The following IL1RAPL1 variants were observed in gnomAD, a reference collection of about 807,000 sequenced individuals.
IL1RAPL1 encodes the protein interleukin 1 receptor accessory protein like 1.
A neutral mutation model predicts 48.4 loss-of-function variants in IL1RAPL1; 3 were observed. The observed-to-expected ratio is 0.06, with a 90% CI of 0.03 to 0.16. The LOEUF (loss-of-function observed/expected upper bound fraction) is 0.16, where lower values mean the gene tolerates loss of function less well. IL1RAPL1 is among the 10% of genes least tolerant of loss of function. The pLI is 1.00. For synonymous variants in IL1RAPL1, 185 were observed against 187.7 expected, an observed-to-expected ratio of 0.99 and a Z score of 0.12; for missense variants, 349 against 530.6, an observed-to-expected ratio of 0.66 and a Z score of 3.36.
At chrX:29,407,387 G>A in intron 5 of IL1RAPL1, among the ~76,000 whole-genome samples, 1 of 112,216 alleles carries the variant, frequency 8.9e-6, no homozygotes, top group Non-Finnish European at 1.9e-5. Flanking sequence ...GGACCCACAT[G>A]TTGTGTATTC....
rs1751889769 is a variant in IL1RAPL1 at position 29,545,841 on chromosome X, A to G, written c.704-122589A>G. Among the ~76,000 whole-genome samples the G allele has an allele frequency of 5.4e-5, 6 of 112,073 alleles. No homozygotes were observed. In the South Asian group the frequency reaches 2.2e-3, roughly 42 times the overall value. The stretch of plus-strand genomic sequence containing the variant: ...AAACCACTCTTTTCTCTTGGGTAAG[A>G]AGTACATGGGAATTCTATAAAATGT... On this transcript the variant is annotated intron_variant, in intron 5 of 10. Coordinates refer to ENST00000378993, the MANE Select transcript of IL1RAPL1 (RefSeq NM_014271.4).
intron 5 of IL1RAPL1, among the ~76,000 whole-genome samples, chrX:29,625,060 C>G (rs1402464749): frequency 9.0e-6 from 1 of 111,531 alleles, no homozygotes; most frequent in African/African-American, 3.3e-5. Flanking sequence ...AGCACAAAAG[C>G]AGTGATAGTC....
At chrX:28,998,290 C>G (rs766296552) in intron 2 of IL1RAPL1, among the ~76,000 whole-genome samples, 1 of 110,965 alleles carries the variant, frequency 9.0e-6, no homozygotes, top group African/African-American at 3.3e-5. Context: ...GGCACTCTTC[C>G]AAAAGAGAAA....
chrX:29,319,170 C>G (rs1361726543), intron 3 of IL1RAPL1, among the ~76,000 whole-genome samples: 2 of 100,500 alleles, frequency 2.0e-5, no homozygotes, highest in Non-Finnish European at 4.0e-5. Flanking sequence ...GTCTATCTAT[C>G]TATCTATCTA....
At chrX:29,859,782 G>A (rs1601855035) in intron 6 of IL1RAPL1, among the ~76,000 whole-genome samples, 1 of 111,423 alleles carries the variant, frequency 9.0e-6, no homozygotes, top group East Asian at 2.8e-4. Flanking sequence ...TCCTAATGTT[G>A]GAATCTAATA....
At chrX:28,591,617 C>T (rs900427415) in intron 1 of IL1RAPL1, among the ~76,000 whole-genome samples, 1 of 111,567 alleles carries the variant, frequency 9.0e-6, no homozygotes. Context: ...ACCGGTTGGG[C>T]AGCTATAGGT....
At chrX:29,447,942 T>C (rs1423371690) in intron 5 of IL1RAPL1, among the ~76,000 whole-genome samples, 1 of 112,136 alleles carries the variant, frequency 8.9e-6, no homozygotes, top group Non-Finnish European at 1.9e-5. Context: ...ATGGAGTTTA[T>C]AAGTGGAAAG....
chrX:29,399,725 AG>A (rs1415417548), intron 5 of IL1RAPL1, among the ~76,000 whole-genome samples: 1 of 110,146 alleles, frequency 9.1e-6, no homozygotes, highest in Non-Finnish European at 1.9e-5. Flanking sequence ...AGGCTGAGGC[AG>A]GAGAATCACT....
At chrX:29,091,903 G>A (rs1928099250) in intron 2 of IL1RAPL1, among the ~76,000 whole-genome samples, 1 of 110,811 alleles carries the variant, frequency 9.0e-6, no homozygotes, top group Non-Finnish European at 1.9e-5. Context: ...CAATAAATTG[G>A]GAGGCATTTT....
At chrX:29,366,586 T>C (rs368568737) in intron 3 of IL1RAPL1, among the ~76,000 whole-genome samples, 4 of 60,372 alleles carry the variant, frequency 6.6e-5, no homozygotes, top group African/African-American at 2.2e-4. Context: ...TTTTTTTTTT[T>C]GAGACAGAGT....
intron 1 of IL1RAPL1, among the ~76,000 whole-genome samples, chrX:28,732,636 C>CCGAGGCGGGTGGATCA (rs1935770030): frequency 9.0e-6 from 1 of 111,519 alleles, no homozygotes; most frequent in Non-Finnish European, 1.9e-5. Flanking sequence ...CTTTGGGAGG[C>CCGAGGCGGGTGGATCA]CGAGGCGGGT....
chrX:29,446,414 A>C (rs1403629599), intron 5 of IL1RAPL1, among the ~76,000 whole-genome samples: 1 of 111,982 alleles, frequency 8.9e-6, no homozygotes, highest in Non-Finnish European at 1.9e-5. Context: ...ATCAGACAAT[A>C]CTTAGACTGT....
intron 2 of IL1RAPL1, among the ~76,000 whole-genome samples, chrX:29,236,510 C>CTTTTTTTTTTTTTCCTTTCTT (rs1931297370): frequency 1.2e-5 from 1 of 83,737 alleles, no homozygotes; most frequent in Non-Finnish European, 2.3e-5. Flanking sequence ...TATTCCTTCT[C>CTTTTTTTTTTTTTCCTTTCTT]TTTTTTTTTT....
intron 1 of IL1RAPL1, among the ~76,000 whole-genome samples, chrX:28,780,385 T>C (rs765675116): frequency 1.1e-5 from 1 of 94,487 alleles, no homozygotes; most frequent in South Asian, 5.1e-4. Flanking sequence ...CTGTCCAGAA[T>C]CTATTTTAAT....
intron 2 of IL1RAPL1, among the ~76,000 whole-genome samples, chrX:29,119,875 C>T (rs1270486244): frequency 9.0e-6 from 1 of 111,365 alleles, no homozygotes; most frequent in East Asian, 2.8e-4. Flanking sequence ...CAAAGTCTGC[C>T]CTTAGGAGAA....
Position 29,678,922 on chromosome X carries a change from A to T in IL1RAPL1, c.778+10418A>T, listed in dbSNP as rs182580585. 1.3e-4 allele frequency among the ~76,000 whole-genome samples: 14 copies of T among 111,249 alleles called. No individual in the cohort carries two copies. The East Asian group carries it at 4.0e-3, about 32-fold the overall frequency. ...AGGAAGTTGCTTAAGAGTCCAAGAG[A>T]GTGAATAATTTTCTCTCCCTTCCAC... is the stretch of plus-strand genomic sequence containing the variant. On this transcript the variant is annotated intron_variant, in intron 6 of 10. Coordinates refer to ENST00000378993, the MANE Select transcript of IL1RAPL1 (RefSeq NM_014271.4).
At chrX:28,969,782 G>A (rs1374557597) in intron 2 of IL1RAPL1, among the ~76,000 whole-genome samples, 5 of 107,281 alleles carry the variant, frequency 4.7e-5, no homozygotes, top group African/African-American at 1.4e-4. Flanking sequence ...TTCGGTCTTT[G>A]GATAGACAAT....
chrX:28,737,203 TTCTCTTTCTTTCTTTC>T (rs1935848351), intron 1 of IL1RAPL1, among the ~76,000 whole-genome samples: 1 of 66,140 alleles, frequency 1.5e-5, no homozygotes, highest in Non-Finnish European at 2.8e-5. Context: ...CTTTCTTTCT[TTCTCTTTCTTTCTTTC>T]TTTCTTTCTT....
At chrX:29,792,432 G>A (rs777081867) in intron 6 of IL1RAPL1, among the ~76,000 whole-genome samples, 1 of 111,765 alleles carries the variant, frequency 8.9e-6, no homozygotes, top group African/African-American at 3.3e-5. Flanking sequence ...TGTTGGCAGG[G>A]TTGGCTTCTT....
Sources: gnomAD v4.1 joint callset for allele counts (sites outside exome capture counted in the v4.1 genomes callset) on GRCh38, gnomAD v4.1.1 for gene constraint, MANE v1.5 for transcripts, NCBI Gene and HGNC (gene_info 2026-07-23, HGNC 2026-07-21) for gene names.